QKI: variants seen among roughly 807,000 people sequenced by gnomAD.
QKI encodes the protein KH domain-containing RNA-binding protein QKI.
Under a neutral mutation model 39.0 loss-of-function variants are expected in QKI, and 10 were observed. The observed-to-expected ratio is 0.26, with a 90% CI of 0.16 to 0.43. The LOEUF is 0.43. Ranked by LOEUF, QKI falls within the 20% of genes least tolerant of loss-of-function variation. The pLI, the probability that QKI is intolerant of heterozygous loss-of-function variation, is 1.00. For synonymous variants in QKI, 204 were observed against 155.4 expected (o/e 1.31, Z -2.33); for missense variants, 218 against 428.0 (o/e 0.51, Z 4.33).
intron 2 of QKI, among the ~76,000 whole-genome samples, chr6:163,466,371 C>G (rs1191767162): frequency 6.6e-6 from 1 of 152,098 alleles, no homozygotes; most frequent in African/African-American, 2.4e-5. Context: ...ATTCCATTGG[C>G]ATTTTTCACA....
At chr6:163,494,612 A>G (rs1251246291) in intron 3 of QKI, among the ~76,000 whole-genome samples, 1 of 152,140 alleles carries the variant, frequency 6.6e-6, no homozygotes, top group Non-Finnish European at 1.5e-5. Flanking sequence ...CACTGTTAAA[A>G]AAAGTTATTT....
At chr6:163,441,930 T>C (rs2128215091) in intron 1 of QKI, among the ~76,000 whole-genome samples, 1 of 152,332 alleles carries the variant, frequency 6.6e-6, no homozygotes, top group East Asian at 1.9e-4. Context: ...TTTATCTTTG[T>C]AAGGACCTGG....
chr6:163,457,299 C>T (rs953461266), intron 2 of QKI: 3 of 455,884 alleles, frequency 6.6e-6, no homozygotes, highest in Non-Finnish European at 1.3e-5. Context: ...CTTTAAAAGA[C>T]ATGGGTTTCA....
chr6:163,572,670 A>ACCCCCCCCCCCCCCC lies in QKI; in HGVS notation c.*1971_*1972insCCCCCCCCCCCCCCC. 1.4e-3 allele frequency: 27 copies of ACCCCCCCCCCCCCCC among 19,630 alleles called. No homozygotes were observed. Among genetic ancestry groups the ACCCCCCCCCCCCCCC allele is most frequent in the African/African-American group, 2.9e-3 (13 of 4,496 alleles). The allele number at this position is 19,630 out of a possible 1,614,324, so 1.2% of individuals were successfully genotyped here. Reference sequence around the variant, plus strand: ...CGTGGCAAATCTCAAGTGACAGTGGACCCCCCCCCCCGCCCAGCTTATCAA... The same window carrying ACCCCCCCCCCCCCCC: ...CGTGGCAAATCTCAAGTGACAGTGGACCCCCCCCCCCCCCCCCCCCCCCCCCGCCCAGCTTATCAA... On this transcript the variant is annotated 3_prime_UTR_variant, in exon 8 of 8. Transcript: ENST00000361752.
rs539237533 is a variant in QKI, at chr6:163,451,184, TTAACACCATTAG to T, written c.143-4094_143-4083del. 2.3e-3 allele frequency among the ~76,000 whole-genome samples: 353 copies of T among 152,342 alleles called. 2 individuals carry two copies. The highest frequency in any genetic ancestry group is 8.0e-3 in the African/African-American group (332 of 41,584). ...AATTATGGAATGGTAGAGACTTGTC[TTAACACCATTAG>T]CAAAATGTCAGCAGTGTGCTGTGTT... On this transcript the variant is annotated intron_variant, in intron 1 of 7. Coordinates refer to ENST00000361752, the MANE Select transcript of QKI (RefSeq NM_006775.3).
At chr6:163,500,573 A>G (rs560103203) in intron 3 of QKI, among the ~76,000 whole-genome samples, 5 of 152,296 alleles carry the variant, frequency 3.3e-5, no homozygotes, top group Admixed American at 3.3e-4. Context: ...CCTCAATGAA[A>G]TGTGGACATA....
At chr6:163,489,337 G>A (rs1413361276) in intron 3 of QKI, among the ~76,000 whole-genome samples, 1 of 151,966 alleles carries the variant, frequency 6.6e-6, no homozygotes, top group Non-Finnish European at 1.5e-5. Flanking sequence ...GTGTATGAGA[G>A]TAGCAGTTTC....
intron 4 of QKI, among the ~76,000 whole-genome samples, chr6:163,551,700 C>G (rs1234514811): frequency 6.6e-6 from 1 of 152,220 alleles, no homozygotes; most frequent in Non-Finnish European, 1.5e-5. Flanking sequence ...GCTTAGAAAT[C>G]TCATGAATAT....
intron 2 of QKI, among the ~76,000 whole-genome samples, chr6:163,464,664 A>G (rs573938552): frequency 2.8e-4 from 42 of 152,218 alleles, no homozygotes; most frequent in African/African-American, 7.7e-4. Context: ...GAACAGACCT[A>G]TAATGAGTGA....
chr6:163,526,925 C>T (rs979093163), intron 3 of QKI, among the ~76,000 whole-genome samples: 1 of 152,058 alleles, frequency 6.6e-6, no homozygotes, highest in South Asian at 2.1e-4. Flanking sequence ...GGAAGACATA[C>T]CTGGCAGTCA....
chr6:163,418,412 T>G (rs1409825658), intron 1 of QKI, among the ~76,000 whole-genome samples: 1 of 152,206 alleles, frequency 6.6e-6, no homozygotes. Flanking sequence ...TTTTAATTCC[T>G]TGCCAAGTTA....
intron 3 of QKI, among the ~76,000 whole-genome samples, chr6:163,506,455 CA>C: frequency 6.6e-6 from 1 of 152,260 alleles, no homozygotes; most frequent in East Asian, 1.9e-4. Context: ...TTGCATTGTA[CA>C]AATGAAGAAG....
At chr6:163,477,010 GTTTTGTTTTGTTTT>G (rs1442015035) in intron 2 of QKI, among the ~76,000 whole-genome samples, 3 of 74,508 alleles carry the variant, frequency 4.0e-5, no homozygotes, top group African/African-American at 6.1e-5. Flanking sequence ...TTTTTGTTTT[GTTTTGTTTTGTTTT>G]TTTTTTTTTG....
chr6:163,454,181 C>G (rs1189415288), intron 1 of QKI, among the ~76,000 whole-genome samples: 1 of 152,008 alleles, frequency 6.6e-6, no homozygotes, highest in African/African-American at 2.4e-5. Flanking sequence ...AATGACAACC[C>G]TTATTGGGCA....
At chr6:163,551,151 TATACTCTCACAACACCGA>T (rs1433379925) in intron 4 of QKI, among the ~76,000 whole-genome samples, 1 of 152,226 alleles carries the variant, frequency 6.6e-6, no homozygotes, top group African/African-American at 2.4e-5. Context: ...TTTCTCCTAC[TATACTCTCACAACACCGA>T]GTGCTTCTGT....
intron 3 of QKI, among the ~76,000 whole-genome samples, chr6:163,497,639 TAAA>T (rs57352765): frequency 2.0e-5 from 3 of 148,412 alleles, no homozygotes; most frequent in African/African-American, 7.4e-5. Flanking sequence ...TATTGTTTGT[TAAA>T]AAAAAAAAAT....
intron 6 of QKI, chr6:163,566,208 C>G: frequency 2.3e-6 from 3 of 1,312,532 alleles, no homozygotes; most frequent in Non-Finnish European, 2.9e-6. Context: ...GTGTACTATA[C>G]TGTTTGCTTT....
intron 2 of QKI, among the ~76,000 whole-genome samples, chr6:163,471,381 G>A (rs150795466): frequency 1.2e-4 from 19 of 152,208 alleles, no homozygotes; most frequent in African/African-American, 4.6e-4. Flanking sequence ...AGTTGAAGAT[G>A]CATAAAGGAA....
At chr6:163,533,377 C>A (rs1214885502) in intron 3 of QKI, among the ~76,000 whole-genome samples, 1 of 152,154 alleles carries the variant, frequency 6.6e-6, no homozygotes, top group African/African-American at 2.4e-5. Flanking sequence ...AGAAATATTT[C>A]AGAGTTCTGT....
Sources: allele counts gnomAD v4.1 joint callset (sites outside exome capture counted in the v4.1 genomes callset), GRCh38; gene constraint gnomAD v4.1.1; transcripts MANE v1.5; gene names NCBI Gene and HGNC (gene_info 2026-07-23, HGNC 2026-07-21).